PTPN4: variants seen among roughly 807,000 people sequenced by gnomAD.
The protein encoded by PTPN4 is protein tyrosine phosphatase non-receptor type 4, also known as tyrosine-protein phosphatase non-receptor type 4.
Under a neutral mutation model 135.5 loss-of-function variants are expected in PTPN4, and 49 were observed. The observed-to-expected ratio is 0.36, with a 90% CI of 0.29 to 0.46. The LOEUF is 0.46. Among genes scored for constraint, PTPN4 ranks in the 20% least tolerant of loss-of-function variants. The pLI is 1.00. For synonymous variants in PTPN4, 333 were observed against 369.9 expected, an observed-to-expected ratio of 0.90 and a Z score of 1.14; for missense variants, 860 against 1,101.0, an observed-to-expected ratio of 0.78 and a Z score of 3.10.
At chr2:119,864,568 A>G (rs1677805739) in intron 3 of PTPN4, among the ~76,000 whole-genome samples, 2 of 152,114 alleles carry the variant, frequency 1.3e-5, no homozygotes, top group Non-Finnish European at 2.9e-5. Context: ...CAAAAGAGGA[A>G]GAGACCAGTG....
chr2:119,836,218 G>A (rs948804253), intron 2 of PTPN4, among the ~76,000 whole-genome samples: 14 of 152,154 alleles, frequency 9.2e-5, no homozygotes, highest in African/African-American at 3.4e-4. Context: ...TGTGTATGAC[G>A]AATCAAGTTC....
intron 18 of PTPN4, among the ~76,000 whole-genome samples, chr2:119,948,118 A>T (rs1258516317): frequency 2.0e-5 from 3 of 152,184 alleles, no homozygotes; most frequent in Non-Finnish European, 4.4e-5. Context: ...GATGGTAGAG[A>T]TAATCCAAAA....
chr2:119,793,322 A>G (rs934749696), intron 1 of PTPN4, among the ~76,000 whole-genome samples: 1 of 152,186 alleles, frequency 6.6e-6, no homozygotes, highest in African/African-American at 2.4e-5. Flanking sequence ...TAAGAGAAAT[A>G]TGACTCTGTC....
chr2:119,966,725 C>T (rs1050006552), intron 25 of PTPN4, among the ~76,000 whole-genome samples: 3 of 152,168 alleles, frequency 2.0e-5, no homozygotes, highest in South Asian at 2.1e-4. Flanking sequence ...GTACTCCTAC[C>T]TCTCTTGAAG....
intron 6 of PTPN4, 126 bp from the exon 7 acceptor site, chr2:119,881,971 A>G (rs1678087109): frequency 2.7e-6 from 3 of 1,095,420 alleles, no homozygotes; most frequent in Non-Finnish European, 4.1e-6. Flanking sequence ...TCATCAGATA[A>G]GTTTATTTCT....
At chr2:119,771,773 C>T (rs752928161) in intron 1 of PTPN4, among the ~76,000 whole-genome samples, 1 of 152,182 alleles carries the variant, frequency 6.6e-6, no homozygotes, top group Non-Finnish European at 1.5e-5. Context: ...GGCAAAACTT[C>T]TGAAATTATT....
At chr2:119,855,313 C>T (rs183049951) in intron 2 of PTPN4, among the ~76,000 whole-genome samples, 2 of 152,128 alleles carry the variant, frequency 1.3e-5, no homozygotes, top group Admixed American at 6.5e-5. Context: ...GCTGCTGTCT[C>T]GGTAGAATTT....
chr2:119,829,580 T>C (rs763482432), intron 2 of PTPN4, among the ~76,000 whole-genome samples: 3 of 152,204 alleles, frequency 2.0e-5, no homozygotes, highest in Non-Finnish European at 4.4e-5. Flanking sequence ...ACAATATATG[T>C]CTTATTGTGT....
chr2:119,817,104 T>G (rs1676999424), intron 2 of PTPN4, among the ~76,000 whole-genome samples: 1 of 152,304 alleles, frequency 6.6e-6, no homozygotes, highest in Non-Finnish European at 1.5e-5. Context: ...TGCAATTGCT[T>G]TTGTTGTCTT....
At chr2:119,770,238 G>A (rs1002287510) in intron 1 of PTPN4, among the ~76,000 whole-genome samples, 1 of 152,150 alleles carries the variant, frequency 6.6e-6, no homozygotes, top group Non-Finnish European at 1.5e-5. Context: ...GCTAGAAATG[G>A]TACAGATAAG....
chr2:119,965,523 G>A lies in PTPN4; in HGVS notation c.2436G>A (p.Gln812=). The A allele has an allele frequency of 6.2e-7, 1 of 1,611,490 alleles. No homozygotes were observed. The highest frequency in any genetic ancestry group is 1.1e-5 in the South Asian group (1 of 90,468). The part of the protein sequence containing the change: ...QEKNESRPLT[Q]IQYIAWPDHG... ...AAAATGAAAGTCGTCCACTCACTCAGATCCAGTACATAGCCTGGCCTGACC... is the reference window on the plus strand; with the variant it reads ...AAAATGAAAGTCGTCCACTCACTCAAATCCAGTACATAGCCTGGCCTGACC... The change falls in exon 25 of 27, where the codon CAG becomes CAA. Residue 812 remains glutamine, a synonymous_variant. Coordinates refer to ENST00000263708, the MANE Select transcript of PTPN4 (RefSeq NM_002830.4).
At chr2:119,943,275 A>G (rs1338138318) in intron 15 of PTPN4, among the ~76,000 whole-genome samples, 2 of 152,114 alleles carry the variant, frequency 1.3e-5, no homozygotes, top group African/African-American at 4.8e-5. Flanking sequence ...CTAGCAGCCA[A>G]CCTCTCAATA....
chr2:119,926,072 T>C (rs750250743), intron 12 of PTPN4, among the ~76,000 whole-genome samples: 1 of 152,244 alleles, frequency 6.6e-6, no homozygotes, highest in Non-Finnish European at 1.5e-5. Flanking sequence ...GGCATTTGGC[T>C]GTTTTTATAT....
intron 19 of PTPN4, among the ~76,000 whole-genome samples, chr2:119,953,706 T>C (rs1679240357): frequency 6.6e-6 from 1 of 152,162 alleles, no homozygotes; most frequent in South Asian, 2.1e-4. Context: ...GCACCTAGGC[T>C]CTTTTGTATA....
chr2:119,783,147 A>C (rs569682253), intron 1 of PTPN4, among the ~76,000 whole-genome samples: 1 of 151,922 alleles, frequency 6.6e-6, no homozygotes, highest in Admixed American at 6.6e-5. Context: ...TTCAGTTTTC[A>C]CTCATTCGTA....
chr2:119,962,610 T>C lies in PTPN4; in HGVS notation c.2281-6T>C. 7.3e-7 allele frequency: 1 copy of C among 1,361,882 alleles called. No individual in the cohort carries two copies. The highest frequency in any genetic ancestry group is 9.7e-7 in the Non-Finnish European group (1 of 1,035,660). The allele number at this position is 1,361,882 out of a possible 1,614,324, so 84.4% of individuals were successfully genotyped here. ...TTTATTTATTATTTATTTATATCAA[T>C]ATCAGGTTAAATGTCACCAATATTG... On this transcript the variant is annotated splice_region_variant and splice_polypyrimidine_tract_variant and intron_variant, in intron 23 of 26. Coordinates refer to ENST00000263708, the MANE Select transcript of PTPN4 (RefSeq NM_002830.4).
intron 12 of PTPN4, among the ~76,000 whole-genome samples, chr2:119,925,474 A>G (rs1380634693): frequency 1.4e-5 from 2 of 146,452 alleles, no homozygotes; most frequent in Non-Finnish European, 3.1e-5. Flanking sequence ...GCACTTTTTA[A>G]TCATCAAAGT....
intron 1 of PTPN4, among the ~76,000 whole-genome samples, chr2:119,784,532 G>A (rs528763799): frequency 7.9e-5 from 12 of 151,232 alleles, no homozygotes; most frequent in Admixed American, 2.0e-4. Context: ...GACTACAGGC[G>A]CCTGCCACCA....
chr2:119,765,914 C>CTGTG (rs61700411), intron 1 of PTPN4, among the ~76,000 whole-genome samples: 86,090 of 150,100 alleles, frequency 0.57, 26,326 homozygotes, highest in East Asian at 0.78. Context: ...GTGTGTGAAT[C>CTGTG]TGTGTGTGTG....
Sources: gnomAD v4.1 joint callset for allele counts (sites outside exome capture counted in the v4.1 genomes callset) on GRCh38, gnomAD v4.1.1 for gene constraint, MANE v1.5 for transcripts, NCBI Gene and HGNC (gene_info 2026-07-23, HGNC 2026-07-21) for gene names.